The following MOB3B variants were observed in gnomAD, a reference collection of about 807,000 sequenced individuals.
MOB3B encodes MOB kinase activator 3B, also known as MOB kinase activator-like 2B.
In MOB3B, 7 loss-of-function variants were observed where a neutral mutation model predicts 18.7. The ratio of observed to expected loss-of-function variants is 0.37; its 90% CI spans 0.21 to 0.70. MOB3B has a LOEUF of 0.70. MOB3B is among the 30% of genes least tolerant of loss of function. MOB3B has a pLI of 0.52. For synonymous variants in MOB3B, 111 were observed against 99.9 expected, an observed-to-expected ratio of 1.11 and a Z score of -0.66; for missense variants, 253 against 281.3, an observed-to-expected ratio of 0.90 and a Z score of 0.72.
chr9:27,454,387 G>A (rs7043294), intron 2 of MOB3B, among the ~76,000 whole-genome samples: 3,083 of 152,304 alleles, frequency 0.02, 102 homozygotes, highest in African/African-American at 0.069. Flanking sequence ...GTGGACATAG[G>A]AGATTGCGGA....
chr9:27,371,864 G>A lies in MOB3B; in HGVS notation c.419-12628C>T, dbSNP rs189106901. ...CTAGATTCTTACATGAAACCTCCCC[G>A]TGGTTAAATTTTAGTTAATTCAAGG... On this transcript the variant is annotated intron_variant, in intron 2 of 3. Transcript: ENST00000262244. Among the ~76,000 whole-genome samples the A allele has an allele frequency of 4.6e-3, 692 of 152,018 alleles. 3 individuals are homozygous for A. The highest frequency in any genetic ancestry group is 0.016 in the African/African-American group (644 of 41,466).
At chr9:27,494,344 T>C (rs1819866917) in intron 1 of MOB3B, among the ~76,000 whole-genome samples, 1 of 152,324 alleles carries the variant, frequency 6.6e-6, no homozygotes, top group African/African-American at 2.4e-5. Flanking sequence ...CACACCTATT[T>C]GCACACTCCC....
intron 2 of MOB3B, among the ~76,000 whole-genome samples, chr9:27,450,544 C>T (rs148847007): frequency 6.6e-6 from 1 of 152,088 alleles, no homozygotes; most frequent in Non-Finnish European, 1.5e-5. Flanking sequence ...TCTAAAAGTT[C>T]TAGCCAAAAA....
At chr9:27,427,372 A>G (rs1435832075) in intron 2 of MOB3B, among the ~76,000 whole-genome samples, 1 of 152,240 alleles carries the variant, frequency 6.6e-6, no homozygotes, top group Non-Finnish European at 1.5e-5. Context: ...CACCTGCCAG[A>G]CAATTCCCAT....
intron 2 of MOB3B, among the ~76,000 whole-genome samples, chr9:27,389,980 T>A (rs1341796171): frequency 6.6e-6 from 1 of 152,108 alleles, no homozygotes; most frequent in Non-Finnish European, 1.5e-5. Context: ...AAATAAAAGT[T>A]GTTACTTGGA....
chr9:27,349,220 TCTGAC>T (rs1821072497), intron 3 of MOB3B, among the ~76,000 whole-genome samples: 1 of 152,230 alleles, frequency 6.6e-6, no homozygotes, highest in African/African-American at 2.4e-5. Context: ...GGTTTGTATA[TCTGAC>T]CTTTATGTAT....
At chr9:27,452,973 G>A (rs1822813077) in intron 2 of MOB3B, among the ~76,000 whole-genome samples, 1 of 152,160 alleles carries the variant, frequency 6.6e-6, no homozygotes, top group African/African-American at 2.4e-5. Context: ...GGTGACTACA[G>A]TTTTCCTTTC....
At chr9:27,488,261 G>A (rs1357172403) in intron 1 of MOB3B, among the ~76,000 whole-genome samples, 2 of 152,210 alleles carry the variant, frequency 1.3e-5, no homozygotes, top group Non-Finnish European at 2.9e-5. Flanking sequence ...GAAAACTGCT[G>A]TAGTAGCAGC....
intron 2 of MOB3B, among the ~76,000 whole-genome samples, chr9:27,366,603 G>A (rs1821345890): frequency 6.6e-6 from 1 of 152,178 alleles, no homozygotes; most frequent in Admixed American, 6.5e-5. Context: ...GAGACTGGGG[G>A]GTGGGGATGT....
chr9:27,348,249 A>C (rs1476774765), intron 3 of MOB3B, among the ~76,000 whole-genome samples: 1 of 152,138 alleles, frequency 6.6e-6, no homozygotes, highest in African/African-American at 2.4e-5. Flanking sequence ...AGAAAGAGAA[A>C]TGCAGAGGTC....
Position 27,329,913 on chromosome 9 carries a change from T to C in MOB3B, c.*674A>G, listed in dbSNP as rs1820762506. Reference sequence around the variant, plus strand: ...CTGCAGTTAGAACGTGAAGACCCTGTTTGGGGCAGAGACAAGCCACCCCAT... The same window carrying C: ...CTGCAGTTAGAACGTGAAGACCCTGCTTGGGGCAGAGACAAGCCACCCCAT... On this transcript the variant is annotated 3_prime_UTR_variant, in exon 4 of 4. Transcript: ENST00000262244. The C allele has an allele frequency of 6.6e-6, 1 of 152,458 alleles. No homozygotes were observed. The highest frequency in any genetic ancestry group is 1.5e-5 in the Non-Finnish European group (1 of 68,036). 9.4% of individuals were successfully genotyped at this position (152,458 alleles called of 1,614,324 possible). A position where few individuals can be genotyped will look rare whatever the true frequency, so the allele number is the denominator to read the frequency against.
At chr9:27,514,936 G>A (rs944637046) in intron 1 of MOB3B, among the ~76,000 whole-genome samples, 18 of 152,144 alleles carry the variant, frequency 1.2e-4, no homozygotes, top group African/African-American at 4.1e-4. Flanking sequence ...GACATCTCAC[G>A]GTGCTCCCTC....
intron 2 of MOB3B, among the ~76,000 whole-genome samples, chr9:27,388,264 T>G (rs2131379538): frequency 6.6e-6 from 1 of 152,248 alleles, no homozygotes; most frequent in East Asian, 1.9e-4. Flanking sequence ...TAAAATGATT[T>G]ATGTAGGAGG....
At chr9:27,455,080 A>T in intron 2 of MOB3B, 53 bp downstream of exon 2, 2 of 1,602,424 alleles carry the variant, frequency 1.2e-6, no homozygotes, top group Admixed American at 1.7e-5. Flanking sequence ...GCAAATTTTC[A>T]TAGTGAAGAT....
chr9:27,491,899 T>C (rs1381237996), intron 1 of MOB3B, among the ~76,000 whole-genome samples: 2 of 152,122 alleles, frequency 1.3e-5, no homozygotes, highest in East Asian at 1.9e-4. Context: ...AAAATCAATA[T>C]AGGAATTTGC....
At position 27,380,053 on chromosome 9, in the gene MOB3B, G is replaced by GA. The variant is rs534651100; in HGVS notation, c.419-20818dup. Among the ~76,000 whole-genome samples the GA allele has an allele frequency of 3.3e-3, 495 of 152,212 alleles. 5 individuals are homozygous for GA. The highest frequency in any genetic ancestry group is 0.012 in the African/African-American group (479 of 41,528). Reference sequence around the variant, plus strand: ...AAACTCCTGATGTGCCAGTTCAGCAGAACCCACCCACGCCTTTCTGGGAAA... The same window carrying GA: ...AAACTCCTGATGTGCCAGTTCAGCAGAAACCCACCCACGCCTTTCTGGGAAA... On this transcript the variant is annotated intron_variant, in intron 2 of 3. Transcript: ENST00000262244.
At chr9:27,444,378 A>C (rs1310150453) in intron 2 of MOB3B, among the ~76,000 whole-genome samples, 1 of 152,148 alleles carries the variant, frequency 6.6e-6, no homozygotes, top group Non-Finnish European at 1.5e-5. Context: ...CCACCTCTTC[A>C]GATGTCATTT....
chr9:27,414,341 G>A (rs1187917279), intron 2 of MOB3B, among the ~76,000 whole-genome samples: 1 of 152,188 alleles, frequency 6.6e-6, no homozygotes, highest in East Asian at 1.9e-4. Flanking sequence ...ACAAGGCCTT[G>A]GTGGACACAA....
chr9:27,516,018 C>G (rs973467206), intron 1 of MOB3B, among the ~76,000 whole-genome samples: 1 of 152,168 alleles, frequency 6.6e-6, no homozygotes, highest in African/African-American at 2.4e-5. Context: ...AAGGGACACA[C>G]AGATGCATGA....
Sources: allele counts gnomAD v4.1 joint callset (sites outside exome capture counted in the v4.1 genomes callset), GRCh38; gene constraint gnomAD v4.1.1; transcripts MANE v1.5; gene names NCBI Gene and HGNC (gene_info 2026-07-23, HGNC 2026-07-21).